The following DCDC1 variants were observed in gnomAD, a reference collection of about 807,000 sequenced individuals.
DCDC1 encodes doublecortin domain containing 1.
DCDC1 carries 200 observed loss-of-function variants against 178.3 expected under a neutral mutation model. The ratio of observed to expected loss-of-function variants is 1.12; its 90% CI spans 1.00 to 1.26. The LOEUF (loss-of-function observed/expected upper bound fraction) is 1.26. Ranked by LOEUF, DCDC1 falls within the 50% of genes most tolerant of loss-of-function variation. The probability of loss-of-function intolerance (pLI) is 0.00; values close to 1 mark genes in which losing one functional copy is unlikely to be tolerated. For missense variants in DCDC1, 1,983 were observed against 1,749.2 expected (o/e 1.13, Z -2.38); for synonymous variants, 690 against 604.8 (o/e 1.14, Z -2.07).
At chr11:31,248,639 T>C (rs1197561365) in intron 8 of DCDC1, among the ~76,000 whole-genome samples, 1 of 152,078 alleles carries the variant, frequency 6.6e-6, no homozygotes, top group African/African-American at 2.4e-5. Context: ...TAATGATTTA[T>C]TTAAGATGCA....
intron 1 of DCDC1, among the ~76,000 whole-genome samples, chr11:31,344,147 C>T (rs1466345622): frequency 1.3e-5 from 2 of 152,072 alleles, no homozygotes; most frequent in South Asian, 2.1e-4. Context: ...CACCCCTGCA[C>T]ATTGACAATT....
chr11:31,047,252 T>A (rs531460989), intron 20 of DCDC1, among the ~76,000 whole-genome samples: 5 of 152,176 alleles, frequency 3.3e-5, no homozygotes, highest in African/African-American at 4.8e-5. Context: ...CACTGAAGGA[T>A]GATAATGTAG....
chr11:30,882,583 A>G (rs568267423), intron 36 of DCDC1: 9 of 152,276 alleles, frequency 5.9e-5, no homozygotes, highest in Non-Finnish European at 1.0e-4. Flanking sequence ...CAATTTGATT[A>G]AATACTCTGC....
chr11:31,045,598 T>TA (rs752360748), intron 20 of DCDC1, among the ~76,000 whole-genome samples: 78 of 152,300 alleles, frequency 5.1e-4, no homozygotes, highest in South Asian at 3.1e-3. Context: ...ACAATTGCTG[T>TA]AAGTTTAGAG....
chr11:31,272,196 C>T (rs1260120204), intron 7 of DCDC1, among the ~76,000 whole-genome samples: 3 of 150,544 alleles, frequency 2.0e-5, no homozygotes, highest in South Asian at 2.1e-4. Context: ...GCTGATAAGA[C>T]GTTTTCACTA....
At chr11:31,246,283 A>T (rs1448746539) in intron 8 of DCDC1, among the ~76,000 whole-genome samples, 1 of 152,044 alleles carries the variant, frequency 6.6e-6, no homozygotes, top group Non-Finnish European at 1.5e-5. Context: ...GTCAGAGTAC[A>T]TGAGACTATG....
At chr11:31,068,245 T>C (rs1008048628) in intron 18 of DCDC1, among the ~76,000 whole-genome samples, 4 of 152,226 alleles carry the variant, frequency 2.6e-5, no homozygotes, top group Admixed American at 2.6e-4. Context: ...TGACATATAT[T>C]AGTTGTACAT....
At chr11:31,042,805 C>G (rs1050374805) in intron 20 of DCDC1, among the ~76,000 whole-genome samples, 11 of 152,184 alleles carry the variant, frequency 7.2e-5, no homozygotes, top group African/African-American at 2.7e-4. Flanking sequence ...ACCTCTTAGT[C>G]TCAGTCCATG....
chr11:31,005,952 GA>G (rs35225668), intron 20 of DCDC1, among the ~76,000 whole-genome samples: 5,083 of 47,808 alleles, frequency 0.11, 65 homozygotes, highest in Admixed American at 0.14. Context: ...TCTTATTCCT[GA>G]AAAAAAAAAA....
intron 9 of DCDC1, among the ~76,000 whole-genome samples, chr11:31,155,393 G>T (rs2136124353): frequency 6.6e-6 from 1 of 152,300 alleles, no homozygotes; most frequent in Non-Finnish European, 1.5e-5. Flanking sequence ...CTGTAGGGGG[G>T]AAGAGTCAAG....
intron 8 of DCDC1, among the ~76,000 whole-genome samples, chr11:31,249,840 T>TA (rs1943849703): frequency 6.6e-6 from 1 of 152,166 alleles, no homozygotes; most frequent in African/African-American, 2.4e-5. Context: ...ACTTTATCCA[T>TA]AAGCCTAATC....
At chr11:31,097,212 T>C (rs1003959428) in intron 15 of DCDC1, among the ~76,000 whole-genome samples, 9 of 152,230 alleles carry the variant, frequency 5.9e-5, no homozygotes, top group Non-Finnish European at 1.2e-4. Context: ...TTTAATTATT[T>C]TTCCCAAATA....
chr11:31,055,408 T>C (rs950610005), intron 20 of DCDC1, among the ~76,000 whole-genome samples: 2 of 152,234 alleles, frequency 1.3e-5, no homozygotes, highest in Admixed American at 1.3e-4. Flanking sequence ...ACAATCACTA[T>C]GTTTCCATAG....
chr11:31,104,475 T>C (rs1418680568), intron 13 of DCDC1, among the ~76,000 whole-genome samples: 1 of 151,992 alleles, frequency 6.6e-6, no homozygotes, highest in Non-Finnish European at 1.5e-5. Context: ...GCCTGGACTC[T>C]TGAAAAATAA....
intron 9 of DCDC1, among the ~76,000 whole-genome samples, chr11:31,236,178 ACTT>A (rs61318578): frequency 0.29 from 44,617 of 151,492 alleles, 7,968 homozygotes; most frequent in East Asian, 0.63. Flanking sequence ...TTTCAATATC[ACTT>A]CTTATTTTAT....
At chr11:30,952,244 G>T (rs1255306250) in intron 21 of DCDC1, among the ~76,000 whole-genome samples, 1 of 152,056 alleles carries the variant, frequency 6.6e-6, no homozygotes, top group Non-Finnish European at 1.5e-5. Context: ...CAGATTACAA[G>T]AAAAAATAGA....
At chr11:31,124,808 C>A (rs1044653198) in intron 11 of DCDC1, among the ~76,000 whole-genome samples, 1 of 152,060 alleles carries the variant, frequency 6.6e-6, no homozygotes, top group Admixed American at 6.6e-5. Context: ...AACTATAAAA[C>A]CCCAAACTAT....
chr11:31,153,521 G>A (rs1371442025), intron 9 of DCDC1, among the ~76,000 whole-genome samples: 3 of 152,070 alleles, frequency 2.0e-5, no homozygotes, highest in East Asian at 1.9e-4. Flanking sequence ...AGTGGCTCAC[G>A]CATGTAACCC....
intron 21 of DCDC1, among the ~76,000 whole-genome samples, chr11:30,938,896 C>T (rs1947453431): frequency 6.6e-6 from 1 of 152,080 alleles, no homozygotes; most frequent in South Asian, 2.1e-4. Flanking sequence ...AGAATTTTTG[C>T]TTCCCATTTT....
Sources: allele counts gnomAD v4.1 joint callset (sites outside exome capture counted in the v4.1 genomes callset), GRCh38; gene constraint gnomAD v4.1.1; transcripts MANE v1.5; gene names NCBI Gene and HGNC (gene_info 2026-07-23, HGNC 2026-07-21).